FGGY: variants seen among roughly 807,000 people sequenced by gnomAD.
The protein encoded by FGGY is FGGY carbohydrate kinase domain containing, also known as FGGY carbohydrate kinase domain-containing protein.
FGGY carries 72 observed loss-of-function variants against 71.3 expected under a neutral mutation model. The ratio of observed to expected loss-of-function variants is 1.01; its 90% CI spans 0.84 to 1.23. The LOEUF (loss-of-function observed/expected upper bound fraction) is 1.23, where lower values mean the gene tolerates loss of function less well. FGGY is among the 50% of genes most tolerant of loss of function. FGGY has a pLI of 0.00. For missense variants in FGGY, 668 were observed against 682.3 expected (o/e 0.98, Z 0.23); for synonymous variants, 251 against 250.3 (o/e 1.00, Z -0.02).
At chr1:59,759,343 G>C (rs952606477) in intron 15 of FGGY, among the ~76,000 whole-genome samples, 8 of 152,172 alleles carry the variant, frequency 5.3e-5, no homozygotes, top group Admixed American at 6.5e-5. Flanking sequence ...CAGGCATTGC[G>C]TAGGGGAGCT....
At position 59,667,316 on chromosome 1, in the gene FGGY, G is replaced by A. The variant is rs1455028412; in HGVS notation, c.1330G>A (p.Ala444Thr). The A allele has an allele frequency of 6.2e-6, 10 of 1,614,128 alleles. No individual in the cohort carries two copies. The highest frequency in any genetic ancestry group is 8.5e-6 in the Non-Finnish European group (10 of 1,179,994). ...TCGCTTCATTATAGAAGCCATGGAG[G>A]CAGCAGGGCACTCAATCAGTACTCT... ...GTRFIIEAMEAAGHSISTLFL... is the reference protein window; with the variant it reads ...GTRFIIEAMETAGHSISTLFL... Residue 444 changes from alanine to threonine, a missense_variant, in exon 13 of 16, where the codon GCA becomes ACA. Physicochemically the swap from Ala to Thr is moderately conservative, Grantham distance 58. Around this residue, in one of 2 missense-constraint regions of FGGY, gnomAD observed 661 missense variants for 661.6 expected, o/e 1.00. Transcript: ENST00000303721.
chr1:59,363,191 C>T (rs185305528), intron 4 of FGGY, among the ~76,000 whole-genome samples: 1 of 152,270 alleles, frequency 6.6e-6, no homozygotes, highest in Non-Finnish European at 1.5e-5. Context: ...TTAAATGTTG[C>T]TACCAATGAA....
intron 7 of FGGY, among the ~76,000 whole-genome samples, chr1:59,521,669 A>G (rs2094837083): frequency 6.6e-6 from 1 of 152,222 alleles, no homozygotes; most frequent in Non-Finnish European, 1.5e-5. Flanking sequence ...TGAGGCCCAG[A>G]CAATGGTGAA....
intron 5 of FGGY, among the ~76,000 whole-genome samples, chr1:59,391,408 G>A (rs1411670337): frequency 6.6e-6 from 1 of 152,196 alleles, no homozygotes; most frequent in Non-Finnish European, 1.5e-5. Flanking sequence ...AGAAGCATGA[G>A]TTAAGGCACA....
At chr1:59,654,071 A>G (rs948974174) in intron 11 of FGGY, among the ~76,000 whole-genome samples, 4 of 152,324 alleles carry the variant, frequency 2.6e-5, no homozygotes, top group Admixed American at 1.3e-4. Flanking sequence ...ACCAGGGTAC[A>G]GAATATTGAG....
At chr1:59,572,903 C>T (rs2096011249) in intron 8 of FGGY, among the ~76,000 whole-genome samples, 1 of 152,150 alleles carries the variant, frequency 6.6e-6, no homozygotes, top group Admixed American at 6.5e-5. Flanking sequence ...TTTGCACTGT[C>T]AGCTTTGTTT....
rs1314121401 is a variant in FGGY, at chr1:59,667,307, GC to G, written c.1323del (p.Met442TrpfsTer69). ...GTTGGGGACTCGCTTCATTATAGAA[GC>G]CATGGAGGCAGCAGGGCACTCAATC... ...IALGTRFIIEAMEAAGHSIST... is the reference protein window; with the variant it reads ...IALGTRFIIEXMEAAGHSIST... On this transcript the variant is annotated frameshift_variant, in exon 13 of 16. Coordinates refer to ENST00000303721, the MANE Select transcript of FGGY (RefSeq NM_018291.5). LOFTEE classifies it high-confidence loss of function. The G allele has an allele frequency of 6.2e-7, 1 of 1,614,136 alleles. No homozygotes were observed. Among genetic ancestry groups the G allele is most frequent in the South Asian group, 1.1e-5 (1 of 91,084 alleles).
At chr1:59,332,510 T>C (rs2048689142) in intron 2 of FGGY, among the ~76,000 whole-genome samples, 3 of 152,174 alleles carry the variant, frequency 2.0e-5, no homozygotes, top group Admixed American at 2.0e-4. Flanking sequence ...GCGATGTTCC[T>C]CAGCTGTGGA....
At chr1:59,546,513 TGATGATGATG>T (rs1558302770) in intron 7 of FGGY, among the ~76,000 whole-genome samples, 17 of 147,194 alleles carry the variant, frequency 1.2e-4, no homozygotes, top group African/African-American at 4.1e-4. Context: ...ATGATGATGA[TGATGATGATG>T]ATGATGATGA....
At chr1:59,588,674 A>C (rs1267529773) in intron 8 of FGGY, among the ~76,000 whole-genome samples, 1 of 152,208 alleles carries the variant, frequency 6.6e-6, no homozygotes, top group Non-Finnish European at 1.5e-5. Flanking sequence ...CCAGAATTTC[A>C]TATCCAGCCA....
rs137917070 is a variant in FGGY, at chr1:59,437,854, C to A, written c.555-19107C>A. Among the ~76,000 whole-genome samples the A allele has an allele frequency of 3.1e-3, 470 of 152,276 alleles. 3 individuals are homozygous for A. Among genetic ancestry groups the A allele is most frequent in the African/African-American group, 0.011 (446 of 41,548 alleles). Reference sequence around the variant, plus strand: ...AGCCAATTTAGTCTGGCAGGAAAATCATGTAGTGAAGTAGTGAGGCCCACA... The same window carrying A: ...AGCCAATTTAGTCTGGCAGGAAAATAATGTAGTGAAGTAGTGAGGCCCACA... On this transcript the variant is annotated intron_variant, in intron 5 of 15. Coordinates refer to ENST00000303721, the MANE Select transcript of FGGY (RefSeq NM_018291.5).
chr1:59,516,874 C>T (rs537185166), intron 7 of FGGY, among the ~76,000 whole-genome samples: 140 of 152,238 alleles, frequency 9.2e-4, no homozygotes, highest in African/African-American at 3.3e-3. Flanking sequence ...AGAGAAATAC[C>T]CCTGGACTTT....
At position 59,619,419 on chromosome 1, in the gene FGGY, G is replaced by T. The variant is rs1033339989; in HGVS notation, c.1012-6569G>T. 1.5e-4 allele frequency among the ~76,000 whole-genome samples: 23 copies of T among 152,036 alleles called. 1 individual carries two copies. The highest frequency in any genetic ancestry group is 1.4e-3 in the Admixed American group (21 of 15,228). ...GTAGCTTGTGAGTTCAGATGGGAAG[G>T]TTGTAGTTTTAAATAGGGTGGTCAG... is the stretch of plus-strand genomic sequence containing the variant. On this transcript the variant is annotated intron_variant, in intron 9 of 15. Transcript: ENST00000303721.
chr1:59,557,572 T>G (rs2095710343), intron 8 of FGGY, among the ~76,000 whole-genome samples: 1 of 152,256 alleles, frequency 6.6e-6, no homozygotes, highest in African/African-American at 2.4e-5. Context: ...AAGCATGGGC[T>G]GCACATTTAT....
rs77138532 is a variant in FGGY at position 59,693,194 on chromosome 1, G to A, written c.1512+19061G>A. On this transcript the variant is annotated intron_variant, in intron 14 of 15. Coordinates refer to ENST00000303721, the MANE Select transcript of FGGY (RefSeq NM_018291.5). Reference sequence around the variant, plus strand: ...CAAATACAAAATATTAACACCAAGAGACAGCTTGACGTGCTAGAAAGAGTT... The same window carrying A: ...CAAATACAAAATATTAACACCAAGAAACAGCTTGACGTGCTAGAAAGAGTT... 3.4e-4 allele frequency among the ~76,000 whole-genome samples: 52 copies of A among 152,344 alleles called. 1 individual carries two copies. Among genetic ancestry groups the A allele is most frequent in the Admixed American group, 7.8e-4 (12 of 15,306 alleles).
intron 10 of FGGY, among the ~76,000 whole-genome samples, chr1:59,633,155 C>T (rs2096924194): frequency 2.6e-5 from 4 of 151,924 alleles, no homozygotes; most frequent in Non-Finnish European, 5.9e-5. Flanking sequence ...GGACTACAGG[C>T]GCCTGCCACC....
intron 5 of FGGY, among the ~76,000 whole-genome samples, chr1:59,439,177 G>A (rs1329188641): frequency 6.6e-6 from 1 of 152,092 alleles, no homozygotes; most frequent in Non-Finnish European, 1.5e-5. Flanking sequence ...GTACTGAATG[G>A]GACTGTGTCT....
intron 8 of FGGY, among the ~76,000 whole-genome samples, chr1:59,585,791 C>A (rs571655158): frequency 6.6e-6 from 1 of 152,102 alleles, no homozygotes; most frequent in Non-Finnish European, 1.5e-5. Context: ...GGCTAATATC[C>A]AGAATCTACA....
At chr1:59,411,122 C>T (rs185400658) in intron 5 of FGGY, among the ~76,000 whole-genome samples, 2 of 152,322 alleles carry the variant, frequency 1.3e-5, no homozygotes, top group East Asian at 3.9e-4. Flanking sequence ...TCACACAATA[C>T]ATTTACTAGT....
Sources: allele counts gnomAD v4.1 joint callset (sites outside exome capture counted in the v4.1 genomes callset), GRCh38; gene constraint gnomAD v4.1.1; regional missense constraint gnomAD v4.1.1; transcripts MANE v1.5; gene names NCBI Gene and HGNC (gene_info 2026-07-23, HGNC 2026-07-21).